Variants in USH1C observed in about 807,000 individuals in gnomAD.
The protein encoded by USH1C is USH1 protein network component harmonin, also known as harmonin.
Under a neutral mutation model 119.3 loss-of-function variants are expected in USH1C, and 90 were observed. The ratio of observed to expected loss-of-function variants is 0.75; its 90% CI spans 0.64 to 0.90. The LOEUF is 0.90. USH1C is among the 40% of genes least tolerant of loss of function. USH1C has a pLI of 0.00. For synonymous variants in USH1C, 465 were observed against 443.3 expected, an observed-to-expected ratio of 1.05 and a Z score of -0.62; for missense variants, 1,165 against 1,167.7, an observed-to-expected ratio of 1.00 and a Z score of 0.03.
At chr11:17,514,771 G>A (rs565163537) in intron 15 of USH1C, 5 of 149,516 alleles carry the variant, frequency 3.3e-5, no homozygotes, top group African/African-American at 1.2e-4. Flanking sequence ...GGGCGATTGT[G>A]CTATTGATTC....
intron 15 of USH1C, among the ~76,000 whole-genome samples, chr11:17,512,804 G>A (rs1282393091): frequency 6.6e-6 from 1 of 152,178 alleles, no homozygotes; most frequent in Admixed American, 6.5e-5. Flanking sequence ...GGCAGGGCAT[G>A]GAGAGAATGG....
intron 1 of USH1C, among the ~76,000 whole-genome samples, chr11:17,535,026 C>A (rs1294603948): frequency 6.6e-6 from 1 of 152,302 alleles, no homozygotes; most frequent in African/African-American, 2.4e-5. Context: ...TCTCTCACCC[C>A]CTCTGCTCAG....
chr11:17,509,935 G>A lies in USH1C; in HGVS notation c.1531-97C>T. ...TATGCTCTTCTAATCTGTTTCTCTT[G>A]CTACTGGAGACCCACCACCCTTACA... On this transcript the variant is annotated intron_variant, in intron 17 of 26. Coordinates refer to ENST00000005226, the MANE Select transcript of USH1C (RefSeq NM_153676.4). 1.1e-5 allele frequency: 16 copies of A among 1,417,932 alleles called. No individual in the cohort carries two copies. In the South Asian group the frequency reaches 1.8e-4, roughly 16 times the overall value. The allele number at this position is 1,417,932 out of a possible 1,614,324, so 87.8% of individuals were successfully genotyped here. A position where few individuals can be genotyped will look rare whatever the true frequency, so the allele number is the denominator to read the frequency against.
chr11:17,520,658 A>G (rs572767764), intron 14 of USH1C, among the ~76,000 whole-genome samples: 1 of 152,126 alleles, frequency 6.6e-6, no homozygotes, highest in Non-Finnish European at 1.5e-5. Context: ...GGAGCTGGGT[A>G]TGTGGAGCTG....
intron 8 of USH1C, among the ~76,000 whole-genome samples, chr11:17,525,648 C>T (rs967918690): frequency 2.6e-5 from 4 of 152,158 alleles, no homozygotes; most frequent in Admixed American, 2.6e-4. Context: ...CATGCTTAAG[C>T]CCCGTGTGGC....
At chr11:17,499,005 G>A (rs1392344060) in intron 23 of USH1C, among the ~76,000 whole-genome samples, 5 of 152,226 alleles carry the variant, frequency 3.3e-5, no homozygotes, top group Admixed American at 6.5e-5. Context: ...GCTCCTGAAA[G>A]AGTTGCCTGG....
chr11:17,506,171 A>C (rs886856105), intron 18 of USH1C, among the ~76,000 whole-genome samples: 8 of 152,186 alleles, frequency 5.3e-5, no homozygotes, highest in African/African-American at 1.9e-4. Context: ...AGCGGCTCTA[A>C]GAAATTGGAC....
In USH1C at chr11:17,534,126, C is replaced by T. The variant is rs143519647; in HGVS notation, c.37-804G>A. ...TTTGGGTCTCTCTTCAGCCCAAGAA[C>T]GGGTAACAGAGCAAGGTGGAAGCTT... On this transcript the variant is annotated intron_variant, in intron 1 of 26. Coordinates refer to ENST00000005226, the MANE Select transcript of USH1C (RefSeq NM_153676.4). Among the ~76,000 whole-genome samples the T allele has an allele frequency of 7.4e-3, 1,126 of 152,364 alleles. 17 individuals carry two copies. The highest frequency in any genetic ancestry group is 0.025 in the African/African-American group (1,049 of 41,588).
At chr11:17,500,937 G>A (rs1264984269) in intron 23 of USH1C, 114 bp downstream of exon 23, 4 of 852,388 alleles carry the variant, frequency 4.7e-6, no homozygotes, top group African/African-American at 3.3e-5. Context: ...GAGTGGGAGG[G>A]CATTCTCCAG....
intron 18 of USH1C, among the ~76,000 whole-genome samples, chr11:17,507,961 C>A (rs115736174): frequency 0.013 from 1,967 of 152,322 alleles, 51 homozygotes; most frequent in African/African-American, 0.043. Flanking sequence ...GCCTGGGCAG[C>A]AGCTCATCCT....
chr11:17,541,538 A>C (rs1592043983), intron 1 of USH1C, among the ~76,000 whole-genome samples: 1 of 152,358 alleles, frequency 6.6e-6, no homozygotes, highest in South Asian at 2.1e-4. Context: ...AATACTTTTA[A>C]GCCAATGAGT....
At chr11:17,502,382 GA>G (rs1849481439) in intron 20 of USH1C, among the ~76,000 whole-genome samples, 1 of 152,210 alleles carries the variant, frequency 6.6e-6, no homozygotes, top group Non-Finnish European at 1.5e-5. Flanking sequence ...GGCCCTGGGG[GA>G]TGAAGCCCAA....
At position 17,498,423 on chromosome 11, in the gene USH1C, C is replaced by T. The variant is rs965679594; in HGVS notation, c.2381-152G>A. On this transcript the variant is annotated intron_variant, in intron 23 of 26. Coordinates refer to ENST00000005226, the MANE Select transcript of USH1C (RefSeq NM_153676.4). ...TGGACTCAGAAAGCATGAGGGGAAA[C>T]TAGCCACCTGGTTAGTGGCTAGTCA... The T allele has an allele frequency of 1.1e-4, 87 of 778,400 alleles. 1 individual carries two copies. The East Asian group carries it at 1.9e-3, about 17-fold the overall frequency. The allele number at this position is 778,400 out of a possible 1,614,324, so 48.2% of individuals were successfully genotyped here. A position where few individuals can be genotyped will look rare whatever the true frequency, so the allele number is the denominator to read the frequency against.
chr11:17,529,466 C>G (rs1483339747), intron 4 of USH1C, among the ~76,000 whole-genome samples: 6 of 152,226 alleles, frequency 3.9e-5, no homozygotes, highest in Non-Finnish European at 7.3e-5. Context: ...CCTGCTCATC[C>G]CCTGCCTTCC....
At chr11:17,508,643 A>C (rs773798753) in intron 18 of USH1C, among the ~76,000 whole-genome samples, 2 of 152,246 alleles carry the variant, frequency 1.3e-5, no homozygotes, top group African/African-American at 4.8e-5. Flanking sequence ...ACGAATAATT[A>C]ATAAGAAATA....
In USH1C at chr11:17,517,430, C is replaced by T. The variant is rs977658619; in HGVS notation, c.1211-1140G>A. 10 of 1,595,474 alleles carry T rather than the reference C, an allele frequency of 6.3e-6. No homozygotes were observed. The highest frequency in any genetic ancestry group is 7.7e-6 in the Non-Finnish European group (9 of 1,170,492). On this transcript the variant is annotated intron_variant, in intron 14 of 26. Transcript: ENST00000005226. ...TCTCCCTGCTCCTCCGTGCCTCCATCCAGGTCATCTGCGGGCTCGAGCTCA... is the reference window on the plus strand; with the variant it reads ...TCTCCCTGCTCCTCCGTGCCTCCATTCAGGTCATCTGCGGGCTCGAGCTCA...
intron 18 of USH1C, among the ~76,000 whole-genome samples, chr11:17,508,926 C>A (rs1565031743): frequency 6.6e-6 from 1 of 152,178 alleles, no homozygotes; most frequent in African/African-American, 2.4e-5. Context: ...CCTCCCCTCC[C>A]TTTTTTTCCC....
chr11:17,524,059 C>T (rs1035654687), intron 9 of USH1C, among the ~76,000 whole-genome samples: 4 of 152,170 alleles, frequency 2.6e-5, no homozygotes, highest in Non-Finnish European at 4.4e-5. Context: ...ATGAGGTACA[C>T]GATTTTGGAA....
chr11:17,510,425 C>T lies in USH1C; in HGVS notation c.1510G>A (p.Ala504Thr), dbSNP rs756133492. Residue 504 changes from alanine to threonine, a missense_variant, in exon 17 of 27, where the codon GCT becomes ACT. Physicochemically the swap from Ala to Thr is moderately conservative, Grantham distance 58 (BLOSUM62 0). Coordinates refer to ENST00000005226, the MANE Select transcript of USH1C (RefSeq NM_153676.4). ...CQTRLEQISS[A>T]DNEISEMTTG... ...GTTACCTCTGAAATCTCATTATCAGCAGAGGAAATCTGCTCGAGGCGCGTT... is the reference window on the plus strand; with the variant it reads ...GTTACCTCTGAAATCTCATTATCAGTAGAGGAAATCTGCTCGAGGCGCGTT... 1.2e-6 allele frequency: 2 copies of T among 1,612,252 alleles called. No individual in the cohort carries two copies. Among genetic ancestry groups the T allele is most frequent in the South Asian group, 2.2e-5 (2 of 90,822 alleles).
Sources: allele counts gnomAD v4.1 joint callset (sites outside exome capture counted in the v4.1 genomes callset), GRCh38; gene constraint gnomAD v4.1.1; transcripts MANE v1.5; gene names NCBI Gene and HGNC (gene_info 2026-07-23, HGNC 2026-07-21).